The following LAMA1 variants were observed in gnomAD, a reference collection of about 807,000 sequenced individuals.
LAMA1 encodes the protein laminin subunit alpha 1.
LAMA1 carries 219 observed loss-of-function variants against 348.7 expected under a neutral mutation model. The ratio of observed to expected loss-of-function variants is 0.63; its 90% confidence interval spans 0.56 to 0.70. The LOEUF is 0.70. LAMA1 is among the 30% of genes least tolerant of loss of function. The pLI is 0.00. For synonymous variants in LAMA1, 1,487 were observed against 1,491.0 expected, an observed-to-expected ratio of 1.00 and a Z score of 0.06; for missense variants, 3,744 against 3,888.0, an observed-to-expected ratio of 0.96 and a Z score of 0.99.
intron 39 of LAMA1, among the ~76,000 whole-genome samples, chr18:6,984,974 T>C (rs2057727683): frequency 6.6e-6 from 1 of 152,254 alleles, no homozygotes; most frequent in Non-Finnish European, 1.5e-5. Context: ...GCATAATATG[T>C]GTTTTATTAT....
At position 6,959,478 on chromosome 18, in the gene LAMA1, G is replaced by A; in HGVS notation, c.7641C>T (p.Val2547=). The change falls in exon 54 of 63, where the codon GTC becomes GTT. Residue 2547 remains valine (V), a synonymous_variant. Transcript: ENST00000389658. ...REEAHVPFFS[V]MLIGGNIEVH... ...CCTCAATGTTGCCTCCGATCAGCATGACGGAAAAGAAGGGCTGGGGAGGTT... is the reference window on the plus strand; with the variant it reads ...CCTCAATGTTGCCTCCGATCAGCATAACGGAAAAGAAGGGCTGGGGAGGTT... 1.2e-6 allele frequency: 2 copies of A among 1,614,176 alleles called. No homozygotes were observed. The highest frequency in any genetic ancestry group is 1.7e-6 in the Non-Finnish European group (2 of 1,180,036).
chr18:7,038,435 C>A (rs1008601819), intron 11 of LAMA1: 16 of 358,734 alleles, frequency 4.5e-5, no homozygotes, highest in African/African-American at 3.4e-4. Context: ...TACTCCTTAG[C>A]GTCTTTGAGC....
In LAMA1 at chr18:6,999,559, C is replaced by G; in HGVS notation, c.4549G>C (p.Val1517Leu). The change falls in exon 32 of 63, where the codon GTC (valine) becomes CTC (leucine). Residue 1517 changes from valine (V) to leucine (L), a missense_variant. Physicochemically the swap from Val to Leu is conservative, Grantham distance 32. This residue lies in a region of LAMA1 where 1,983 missense variants were observed against 1,934.3 expected (regional missense o/e 1.03). Transcript: ENST00000389658. ...GATGTGCGGTCACAGTCACCGTGGA[C>G]AGAGCCGTGCGGGTTGCAGTCACAC... Reference protein sequence around the residue: ...QKCDCNPHGSVHGDCDRTSGQ... With the variant: ...QKCDCNPHGSLHGDCDRTSGQ... 7 of 1,614,124 alleles carry G rather than the reference C, an allele frequency of 4.3e-6. No homozygotes were observed. Among genetic ancestry groups the G allele is most frequent in the Non-Finnish European group, 5.9e-6 (7 of 1,180,024 alleles).
intron 21 of LAMA1, 144 bp from the exon 22 acceptor site, chr18:7,016,002 C>A: frequency 1.0e-6 from 1 of 959,044 alleles, no homozygotes; most frequent in Non-Finnish European, 1.6e-6. Context: ...AAGACCCCTC[C>A]ATGTCTCATG....
intron 7 of LAMA1, among the ~76,000 whole-genome samples, chr18:7,043,878 G>A (rs968252028): frequency 5.3e-5 from 8 of 152,170 alleles, no homozygotes; most frequent in African/African-American, 1.9e-4. Flanking sequence ...GATGTGGGCT[G>A]GGCGCCATGG....
intron 13 of LAMA1, among the ~76,000 whole-genome samples, chr18:7,035,359 C>T (rs1444186754): frequency 2.6e-5 from 4 of 152,088 alleles, no homozygotes; most frequent in African/African-American, 9.7e-5. Context: ...CAAAGTGGCA[C>T]AGGGAAGAAG....
At chr18:7,087,012 G>A (rs1039283157) in intron 1 of LAMA1, among the ~76,000 whole-genome samples, 2 of 152,110 alleles carry the variant, frequency 1.3e-5, no homozygotes. Flanking sequence ...GTAATTCTTT[G>A]ATCTTTTTGG....
At position 7,080,032 on chromosome 18, in the gene LAMA1, G is replaced by C. The variant is rs755574615; in HGVS notation, c.288C>G (p.Pro96=). 1.2e-6 allele frequency: 2 copies of C among 1,614,180 alleles called. No individual in the cohort carries two copies. Among genetic ancestry groups the C allele is most frequent in the Middle Eastern group, 1.6e-4 (1 of 6,062 alleles). ...IDGTNNWWQS[P]SIQNGREYHW... ...GATATTCTCTCCCATTCTGAATGCT[G>C]GGACTTTGCCACCAGTTATTGGTGC... Residue 96 remains proline (P), a synonymous_variant, in exon 3 of 63, where the codon CCC becomes CCG. Transcript: ENST00000389658.
intron 3 of LAMA1, among the ~76,000 whole-genome samples, chr18:7,073,498 A>T (rs1417047090): frequency 6.6e-6 from 1 of 152,056 alleles, no homozygotes; most frequent in Non-Finnish European, 1.5e-5. Context: ...ATCCAAATTG[A>T]TTCATATAAT....
intron 1 of LAMA1, among the ~76,000 whole-genome samples, chr18:7,090,727 A>AGAGG (rs918616891): frequency 1.2e-4 from 17 of 140,286 alleles, no homozygotes; most frequent in Admixed American, 2.1e-4. Context: ...AGGGAGGGAG[A>AGAGG]GAGGGAGGGA....
intron 36 of LAMA1, among the ~76,000 whole-genome samples, chr18:6,991,057 C>G (rs995990858): frequency 6.6e-6 from 1 of 152,086 alleles, no homozygotes; most frequent in African/African-American, 2.4e-5. Context: ...TCTCCCAGGA[C>G]CACGTCCTCC....
intron 25 of LAMA1, 22 bp downstream of exon 25, chr18:7,011,278 C>T (rs1254561826): frequency 6.2e-7 from 1 of 1,608,984 alleles, no homozygotes; most frequent in Non-Finnish European, 8.5e-7. Context: ...CCGACTGGCT[C>T]TCGGCTGGGC....
intron 1 of LAMA1, among the ~76,000 whole-genome samples, chr18:7,110,105 C>A (rs1198852681): frequency 6.6e-6 from 1 of 151,584 alleles, no homozygotes; most frequent in African/African-American, 2.4e-5. Context: ...CGCTTGAACC[C>A]AGGAGGCAGA....
chr18:7,112,640 CATT>C lies in LAMA1; in HGVS notation c.61+5017_61+5019del, dbSNP rs1437242477. Among the ~76,000 whole-genome samples, 6 of 90,856 alleles carry C rather than the reference CATT, an allele frequency of 6.6e-5. 1 individual carries two copies. In the South Asian group the frequency reaches 3.0e-3, roughly 46 times the overall value. 59.6% of individuals were successfully genotyped at this position (90,856 alleles called of 152,430 possible). A position where few individuals can be genotyped will look rare whatever the true frequency, so the allele number is the denominator to read the frequency against. ...TATATGTATTTTATATATATATATA[CATT>C]TTTTTTTTTTGAGACAGAGTTTCAC... On this transcript the variant is annotated intron_variant, in intron 1 of 62. Coordinates refer to ENST00000389658, the MANE Select transcript of LAMA1 (RefSeq NM_005559.4).
At chr18:7,032,882 C>T (rs540915033) in intron 15 of LAMA1, 102 bp downstream of exon 15, 1 of 877,650 alleles carries the variant, frequency 1.1e-6, no homozygotes, top group East Asian at 2.6e-5. Flanking sequence ...CATTGGGCTG[C>T]TAAAGCTAAA....
chr18:6,976,298 A>T (rs937784552), intron 44 of LAMA1, among the ~76,000 whole-genome samples: 1 of 152,178 alleles, frequency 6.6e-6, no homozygotes, highest in African/African-American at 2.4e-5. Context: ...TTAGTTTTTA[A>T]TAAGTTATTT....
At position 7,026,102 on chromosome 18, in the gene LAMA1, C is replaced by G; in HGVS notation, c.2279G>C (p.Cys760Ser). Reference protein sequence around the residue: ...ECNVHGVCIACAHNTTGVHCE... With the variant: ...ECNVHGVCIASAHNTTGVHCE... ...GTGGACGCCGGTGGTGTTGTGCGCA[C>G]ACGCCTAGGAACATGCACCAGAAGA... Residue 760 changes from cysteine to serine, a missense_variant, in exon 17 of 63, where the codon TGT (cysteine) becomes TCT (serine). Physicochemically the swap from Cys to Ser is moderately radical, Grantham distance 112 (BLOSUM62 -1). This residue lies in a region of LAMA1 where 1,529 missense variants were observed against 1,689.4 expected (regional missense o/e 0.91). Coordinates refer to ENST00000389658, the MANE Select transcript of LAMA1 (RefSeq NM_005559.4). 6.2e-7 allele frequency: 1 copy of G among 1,611,100 alleles called. No individual in the cohort carries two copies. The highest frequency in any genetic ancestry group is 8.5e-7 in the Non-Finnish European group (1 of 1,178,516).
chr18:7,102,049 A>G (rs919045181), intron 1 of LAMA1, among the ~76,000 whole-genome samples: 59 of 152,154 alleles, frequency 3.9e-4, no homozygotes, highest in African/African-American at 1.3e-3. Flanking sequence ...GATTTATTTT[A>G]ATATTGAATT....
At chr18:7,064,907 C>A (rs1170072988) in intron 3 of LAMA1, among the ~76,000 whole-genome samples, 1 of 152,150 alleles carries the variant, frequency 6.6e-6, no homozygotes, top group Non-Finnish European at 1.5e-5. Context: ...TGTTGAACTG[C>A]ACTGGATCAG....
Sources: allele counts gnomAD v4.1 joint callset (sites outside exome capture counted in the v4.1 genomes callset), GRCh38; gene constraint gnomAD v4.1.1; regional missense constraint gnomAD v4.1.1; transcripts MANE v1.5; gene names NCBI Gene and HGNC (gene_info 2026-07-23, HGNC 2026-07-21).